Variants in FTCDNL1 observed in about 807,000 individuals in gnomAD.
FTCDNL1 encodes formiminotransferase N-terminal subdomain-containing protein.
Under a neutral mutation model 5.9 loss-of-function variants are expected in FTCDNL1, and 11 were observed. That is an observed-to-expected ratio of 1.87 (90% CI 1.18 to 3.10). The LOEUF (loss-of-function observed/expected upper bound fraction) is 3.10. Ranked by LOEUF, FTCDNL1 falls within the 30% of genes most tolerant of loss-of-function variation. FTCDNL1 has a pLI of 0.00. For missense variants in FTCDNL1, 115 were observed against 65.5 expected, an observed-to-expected ratio of 1.76 and a Z score of -2.61; for synonymous variants, 58 against 24.8, an observed-to-expected ratio of 2.34 and a Z score of -3.99.
At chr2:199,678,352 G>T in the FTCDNL1 span, among the ~76,000 whole-genome samples, 1 of 152,104 alleles carries the variant, frequency 6.6e-6, no homozygotes, top group Non-Finnish European at 1.5e-5. Context: ...GTAAATAGAT[G>T]AGCAGATGTG....
In FTCDNL1 at chr2:199,810,648, T is replaced by C. The variant is rs572833854; in HGVS notation, c.*2057A>G. ...TACATAAATAGCGTGGCTCTAATTA[T>C]AGTTTACACTATAAGATGGACAACT... On this transcript the variant is annotated 3_prime_UTR_variant, in exon 5 of 5. Coordinates refer to ENST00000420128, the MANE Select transcript of FTCDNL1 (RefSeq NM_001363886.2). 2.8e-4 allele frequency among the ~76,000 whole-genome samples: 43 copies of C among 152,362 alleles called. No homozygotes were observed. The highest frequency in any genetic ancestry group is 3.4e-3 in the Middle Eastern group (1 of 294).
chr2:199,716,856 C>A, the FTCDNL1 span, among the ~76,000 whole-genome samples: 5 of 152,062 alleles, frequency 3.3e-5, no homozygotes, highest in Admixed American at 2.6e-4. Context: ...AAAAAAGATA[C>A]AAGTTAGTAG....
chr2:199,673,076 C>G, the FTCDNL1 span, among the ~76,000 whole-genome samples: 1 of 151,946 alleles, frequency 6.6e-6, no homozygotes, highest in African/African-American at 2.4e-5. Context: ...ACCTGTAATC[C>G]CAGCCCTTCG....
the FTCDNL1 span, among the ~76,000 whole-genome samples, chr2:199,712,988 T>G: frequency 6.6e-6 from 1 of 152,204 alleles, no homozygotes; most frequent in African/African-American, 2.4e-5. Context: ...GGGGACACAA[T>G]TCAACCTACA....
intron 3 of FTCDNL1, among the ~76,000 whole-genome samples, chr2:199,800,550 T>C (rs1442658894): frequency 6.6e-6 from 1 of 152,238 alleles, no homozygotes; most frequent in Non-Finnish European, 1.5e-5. Context: ...ACTACAATTA[T>C]TGTGAATTCC....
chr2:199,781,151 G>C (rs1653273271), intron 3 of FTCDNL1, among the ~76,000 whole-genome samples: 1 of 152,130 alleles, frequency 6.6e-6, no homozygotes. Flanking sequence ...CTCTTACTCA[G>C]ACCTCCTTGT....
At chr2:199,820,172 A>C (rs1239356612) in intron 3 of FTCDNL1, among the ~76,000 whole-genome samples, 1 of 152,232 alleles carries the variant, frequency 6.6e-6, no homozygotes, top group Admixed American at 6.5e-5. Flanking sequence ...AAGGTATAAA[A>C]AGTTAGGAGG....
At position 199,850,256 on chromosome 2, in the gene FTCDNL1, G is replaced by A. The variant is rs114631582; in HGVS notation, c.-8+484C>T. On this transcript the variant is annotated intron_variant, in intron 1 of 4. Transcript: ENST00000420128. ...TGTAATAAAGCAACCCAGACCTCTC[G>A]TTTCTATGTAAACAAAAAATTGCTT... Among the ~76,000 whole-genome samples the A allele has an allele frequency of 8.1e-3, 1,227 of 152,204 alleles. 4 individuals carry two copies. The highest frequency in any genetic ancestry group is 0.014 in the Non-Finnish European group (939 of 68,018).
chr2:199,811,574 T>C lies in FTCDNL1; in HGVS notation c.*1131A>G, dbSNP rs749622852. 3.5e-4 allele frequency among the ~76,000 whole-genome samples: 54 copies of C among 152,352 alleles called. No homozygotes were observed. The highest frequency in any genetic ancestry group is 6.6e-4 in the Non-Finnish European group (45 of 68,036). ...ATAGCTTTGATATGCCCAGTCACATTCAGTTATTCACATGCAATTCATCAG... is the reference window on the plus strand; with the variant it reads ...ATAGCTTTGATATGCCCAGTCACATCCAGTTATTCACATGCAATTCATCAG... On this transcript the variant is annotated 3_prime_UTR_variant, in exon 5 of 5. Transcript: ENST00000420128.
At chr2:199,764,392 C>T (rs1698412459) in intron 3 of FTCDNL1, among the ~76,000 whole-genome samples, 1 of 152,204 alleles carries the variant, frequency 6.6e-6, no homozygotes, top group African/African-American at 2.4e-5. Flanking sequence ...GACCTGGACT[C>T]TGGACCCAGG....
intron 3 of FTCDNL1, among the ~76,000 whole-genome samples, chr2:199,824,855 TGGCTG>T (rs1441634799): frequency 6.6e-6 from 1 of 152,112 alleles, no homozygotes; most frequent in East Asian, 1.9e-4. Flanking sequence ...GACATAATAG[TGGCTG>T]GGCATGATGG....
At chr2:199,671,648 C>T in the FTCDNL1 span, among the ~76,000 whole-genome samples, 1 of 152,038 alleles carries the variant, frequency 6.6e-6, no homozygotes, top group Non-Finnish European at 1.5e-5. Flanking sequence ...TGCACTGATC[C>T]TCAAAGGTCT....
chr2:199,838,725 C>T (rs890703201), intron 3 of FTCDNL1, among the ~76,000 whole-genome samples: 1 of 152,146 alleles, frequency 6.6e-6, no homozygotes, highest in South Asian at 2.1e-4. Context: ...CTGATCCACA[C>T]AGACAGGCAC....
intron 3 of FTCDNL1, among the ~76,000 whole-genome samples, chr2:199,801,036 T>C (rs1032869203): frequency 1.3e-5 from 2 of 152,204 alleles, no homozygotes; most frequent in South Asian, 4.1e-4. Context: ...TCTGGCTCCA[T>C]AGCTTTTGAT....
intron 3 of FTCDNL1, among the ~76,000 whole-genome samples, chr2:199,783,563 T>C (rs12473716): frequency 0.66 from 99,937 of 151,960 alleles, 33,731 homozygotes; most frequent in East Asian, 0.84. Context: ...GGTTTTAAAT[T>C]CTTTATATCA....
chr2:199,839,781 A>G (rs533760113), intron 3 of FTCDNL1, among the ~76,000 whole-genome samples: 1 of 152,346 alleles, frequency 6.6e-6, no homozygotes, highest in African/African-American at 2.4e-5. Flanking sequence ...TCAGTGACAC[A>G]ACATCTTTAA....
the FTCDNL1 span, among the ~76,000 whole-genome samples, chr2:199,724,026 G>C: frequency 0.027 from 4,143 of 152,074 alleles, 188 homozygotes; most frequent in African/African-American, 0.094. Flanking sequence ...GGCTTTTTTT[G>C]GTTGGTAGGC....
At chr2:199,698,280 T>C in the FTCDNL1 span, among the ~76,000 whole-genome samples, 1 of 152,176 alleles carries the variant, frequency 6.6e-6, no homozygotes, top group African/African-American at 2.4e-5. Context: ...CTTGACCAAA[T>C]GGATCTAACA....
chr2:199,727,749 C>G, the FTCDNL1 span, among the ~76,000 whole-genome samples: 51 of 152,250 alleles, frequency 3.3e-4, no homozygotes, highest in African/African-American at 1.2e-3. Context: ...AATCCAGAAA[C>G]AGAATTTGGC....
Sources: gnomAD v4.1 joint callset for allele counts (sites outside exome capture counted in the v4.1 genomes callset) on GRCh38, gnomAD v4.1.1 for gene constraint, MANE v1.5 for transcripts, NCBI Gene and HGNC (gene_info 2026-07-23, HGNC 2026-07-21) for gene names.